Variants in LIN28B observed in about 807,000 individuals in gnomAD.
LIN28B encodes lin-28 RNA binding posttranscriptional regulator B.
In LIN28B, 5 loss-of-function variants were observed where a neutral mutation model predicts 21.9. That is an observed-to-expected ratio of 0.23 (90% confidence interval 0.12 to 0.48). The LOEUF is 0.48. Ranked by LOEUF, LIN28B falls within the 20% of genes least tolerant of loss-of-function variation. The probability of loss-of-function intolerance (pLI) is 0.98; values close to 1 mark genes in which losing one functional copy is unlikely to be tolerated. For missense variants in LIN28B, 245 were observed against 310.5 expected, an observed-to-expected ratio of 0.79 and a Z score of 1.58; for synonymous variants, 109 against 111.3, an observed-to-expected ratio of 0.98 and a Z score of 0.13.
chr6:104,938,688 C>G (rs555701116), intron 2 of LIN28B, among the ~76,000 whole-genome samples: 1 of 151,738 alleles, frequency 6.6e-6, no homozygotes, highest in African/African-American at 2.4e-5. Context: ...AAGAGCCATA[C>G]GTAAATGATA....
chr6:104,973,910 G>A (rs1268846807), intron 2 of LIN28B, among the ~76,000 whole-genome samples: 2 of 152,096 alleles, frequency 1.3e-5, no homozygotes, highest in Non-Finnish European at 2.9e-5. Flanking sequence ...CAAGAGCATT[G>A]GATGGTTAAG....
intron 2 of LIN28B, among the ~76,000 whole-genome samples, chr6:105,019,157 AG>A (rs1034359094): frequency 6.6e-6 from 1 of 152,168 alleles, no homozygotes; most frequent in Non-Finnish European, 1.5e-5. Flanking sequence ...TATGTTGGCC[AG>A]GCTGGTCTTG....
At chr6:105,033,552 T>G (rs963031586) in intron 3 of LIN28B, among the ~76,000 whole-genome samples, 2 of 152,198 alleles carry the variant, frequency 1.3e-5, no homozygotes, top group Non-Finnish European at 2.9e-5. Context: ...AAATATTGTG[T>G]TGTTTTATTT....
intron 2 of LIN28B, among the ~76,000 whole-genome samples, chr6:104,993,564 G>A (rs1294850740): frequency 1.3e-5 from 2 of 152,126 alleles, no homozygotes; most frequent in African/African-American, 2.4e-5. Flanking sequence ...GGCTGGGGGC[G>A]GTGGCTTAGG....
chr6:104,970,812 G>A (rs925223575), intron 2 of LIN28B, among the ~76,000 whole-genome samples: 2 of 152,088 alleles, frequency 1.3e-5, no homozygotes, highest in African/African-American at 4.8e-5. Context: ...TTAATTAGAT[G>A]TATTTCTTCT....
At chr6:105,049,719 G>A (rs1771853779) in intron 3 of LIN28B, among the ~76,000 whole-genome samples, 1 of 152,072 alleles carries the variant, frequency 6.6e-6, no homozygotes, top group African/African-American at 2.4e-5. Flanking sequence ...AGGATAGTTA[G>A]CTCTTCTTGT....
At chr6:104,993,377 G>A (rs919242858) in intron 2 of LIN28B, among the ~76,000 whole-genome samples, 20 of 151,054 alleles carry the variant, frequency 1.3e-4, no homozygotes, top group African/African-American at 3.4e-4. Context: ...GCTGAGGCAG[G>A]AGATCACTTG....
chr6:105,030,450 A>G (rs548004557), intron 3 of LIN28B, among the ~76,000 whole-genome samples: 2 of 152,304 alleles, frequency 1.3e-5, no homozygotes, highest in South Asian at 2.1e-4. Context: ...TTTTATGTTT[A>G]TTAGTACAAT....
chr6:104,957,369 A>G (rs909471114), intron 1 of LIN28B, 109 bp downstream of exon 1: 8 of 534,332 alleles, frequency 1.5e-5, no homozygotes, highest in East Asian at 1.1e-4. Context: ...TTTTACCCCA[A>G]TACTGGGCAT....
At chr6:105,060,533 C>A (rs1772105731) in intron 3 of LIN28B, among the ~76,000 whole-genome samples, 1 of 152,108 alleles carries the variant, frequency 6.6e-6, no homozygotes, top group South Asian at 2.1e-4. Context: ...CTGATAGATG[C>A]ACCTGGAGTA....
At chr6:104,982,667 G>A (rs1480520123) in intron 2 of LIN28B, among the ~76,000 whole-genome samples, 1 of 152,106 alleles carries the variant, frequency 6.6e-6, no homozygotes, top group African/African-American at 2.4e-5. Context: ...GTGGTTGCAT[G>A]GAGACAAGTA....
chr6:104,978,371 C>G (rs536097306), intron 2 of LIN28B, among the ~76,000 whole-genome samples: 5 of 152,230 alleles, frequency 3.3e-5, no homozygotes, highest in African/African-American at 1.2e-4. Context: ...TTAAATGTAA[C>G]TAGTAGAGGC....
intron 3 of LIN28B, among the ~76,000 whole-genome samples, chr6:105,062,821 T>A (rs1379149854): frequency 1.3e-5 from 2 of 152,204 alleles, no homozygotes; most frequent in Non-Finnish European, 2.9e-5. Flanking sequence ...CTTTAGCCTA[T>A]GACAAAACAT....
intron 2 of LIN28B, among the ~76,000 whole-genome samples, chr6:104,999,774 G>A (rs543516679): frequency 9.2e-5 from 14 of 151,986 alleles, no homozygotes; most frequent in African/African-American, 2.7e-4. Flanking sequence ...TCTGCCTCCC[G>A]GGTTCAAGTG....
At chr6:104,971,411 T>A (rs79626986) in intron 2 of LIN28B, among the ~76,000 whole-genome samples, 15,058 of 152,208 alleles carry the variant, frequency 0.099, 789 homozygotes, top group Middle Eastern at 0.12. Context: ...CAGTCCAAGA[T>A]AACTTTTAAG....
chr6:104,937,850 C>T (rs77262307), intron 2 of LIN28B, among the ~76,000 whole-genome samples: 9,433 of 151,772 alleles, frequency 0.062, 366 homozygotes, highest in East Asian at 0.14. Flanking sequence ...TTCTAGGAAC[C>T]GTTGTAGGCA....
chr6:105,004,389 C>CT (rs1770776424), intron 2 of LIN28B, among the ~76,000 whole-genome samples: 1 of 152,140 alleles, frequency 6.6e-6, no homozygotes, highest in Admixed American at 6.5e-5. Flanking sequence ...TCCACTCCCT[C>CT]TTTCTTTTTT....
chr6:105,006,831 T>G (rs757130292), intron 2 of LIN28B, among the ~76,000 whole-genome samples: 8 of 152,156 alleles, frequency 5.3e-5, no homozygotes, highest in Non-Finnish European at 1.2e-4. Context: ...CTCTTACAGT[T>G]TCTTCCCAAA....
At position 104,957,112 on chromosome 6, in the gene LIN28B, G is replaced by A; in HGVS notation, c.-139G>A. 3 of 1,575,604 alleles carry A rather than the reference G, an allele frequency of 1.9e-6. No homozygotes were observed. Among genetic ancestry groups the A allele is most frequent in the Non-Finnish European group, 2.6e-6 (3 of 1,161,480 alleles). ...GAGAGAGGAGAGAAAAAAATCAAAA[G>A]AAGGAAAGCACATTAGACCATGCGA... On this transcript the variant is annotated 5_prime_UTR_variant, in exon 1 of 4. Coordinates refer to ENST00000345080, the MANE Select transcript of LIN28B (RefSeq NM_001004317.4).
Sources: gnomAD v4.1 joint callset for allele counts (sites outside exome capture counted in the v4.1 genomes callset) on GRCh38, gnomAD v4.1.1 for gene constraint, MANE v1.5 for transcripts, NCBI Gene and HGNC (gene_info 2026-07-23, HGNC 2026-07-21) for gene names.